Variants in ATXN7 observed in about 807,000 individuals in gnomAD.
ATXN7 encodes the protein ataxin-7.
A neutral mutation model predicts 70.5 loss-of-function variants in ATXN7; 12 were observed. The observed-to-expected ratio is 0.17, with a 90% CI of 0.11 to 0.28. ATXN7 has a LOEUF of 0.28. Ranked by LOEUF, ATXN7 falls within the 10% of genes least tolerant of loss-of-function variation. The pLI, the probability that ATXN7 is intolerant of heterozygous loss-of-function variation, is 1.00. For synonymous variants in ATXN7, 498 were observed against 448.7 expected, an observed-to-expected ratio of 1.11 and a Z score of -1.39; for missense variants, 1,256 against 1,131.7, an observed-to-expected ratio of 1.11 and a Z score of -1.58.
chr3:64,001,878 C>G lies in ATXN7; in HGVS notation c.*2411C>G, dbSNP rs961389257. On this transcript the variant is annotated 3_prime_UTR_variant, in exon 13 of 13. Coordinates refer to ENST00000674280, the MANE Select transcript of ATXN7 (RefSeq NM_001377405.1). ...TATTTTTTTGAATTAAATTAACTTGCAAAAACCAAATTTGCAGTGGTTGGG... is the reference window on the plus strand; with the variant it reads ...TATTTTTTTGAATTAAATTAACTTGGAAAAACCAAATTTGCAGTGGTTGGG... 2 of 151,800 alleles carry G rather than the reference C, an allele frequency of 1.3e-5. No homozygotes were observed. The highest frequency in any genetic ancestry group is 2.9e-5 in the Non-Finnish European group (2 of 67,952). The allele number at this position is 151,800 out of a possible 1,614,324, so 9.4% of individuals were successfully genotyped here. A position where few individuals can be genotyped will look rare whatever the true frequency, so the allele number is the denominator to read the frequency against.
chr3:63,936,426 C>T (rs977707889), intron 4 of ATXN7, among the ~76,000 whole-genome samples: 1 of 152,070 alleles, frequency 6.6e-6, no homozygotes, highest in African/African-American at 2.4e-5. Flanking sequence ...TGAAAATAGC[C>T]AACTGAATGC....
chr3:63,965,451 A>G (rs2075204400), intron 5 of ATXN7, among the ~76,000 whole-genome samples: 1 of 152,206 alleles, frequency 6.6e-6, no homozygotes. Context: ...GCTAATGCAC[A>G]GTTCAGAACT....
chr3:63,982,895 G>A (rs1386369131), intron 7 of ATXN7, 44 bp from the exon 8 acceptor site: 6 of 1,437,116 alleles, frequency 4.2e-6, no homozygotes, highest in South Asian at 1.2e-5. Context: ...ATACATGGAG[G>A]AGAGTTTGTC....
At chr3:63,891,055 G>A (rs1237616936) in intron 1 of ATXN7, among the ~76,000 whole-genome samples, 4 of 152,060 alleles carry the variant, frequency 2.6e-5, no homozygotes, top group Non-Finnish European at 4.4e-5. Flanking sequence ...TGTCACCCAG[G>A]CTGGAGTGCA....
Position 63,999,670 on chromosome 3 carries a change from C to G in ATXN7, c.*203C>G. The G allele has an allele frequency of 1.1e-6, 1 of 902,794 alleles. No individual in the cohort carries two copies. The highest frequency in any genetic ancestry group is 1.8e-6 in the Non-Finnish European group (1 of 569,114). The allele number at this position is 902,794 out of a possible 1,614,324, so 55.9% of individuals were successfully genotyped here. ...TCTAGCAGTGAGTACTCATAAAGGACACTGGATCAAGTTCAGCCACCGAAT... is the reference window on the plus strand; with the variant it reads ...TCTAGCAGTGAGTACTCATAAAGGAGACTGGATCAAGTTCAGCCACCGAAT... On this transcript the variant is annotated 3_prime_UTR_variant, in exon 13 of 13. Transcript: ENST00000674280.
At chr3:63,990,533 C>T in intron 10 of ATXN7, 159 bp downstream of exon 10, 1 of 1,145,922 alleles carries the variant, frequency 8.7e-7, no homozygotes, top group East Asian at 2.5e-5. Context: ...AGCACACACT[C>T]TGTACGGGGG....
Position 63,982,413 on chromosome 3 carries a change from A to T in ATXN7, c.980A>T (p.Asn327Ile). 1.2e-6 allele frequency: 2 copies of T among 1,611,064 alleles called. No homozygotes were observed. Among genetic ancestry groups the T allele is most frequent in the Non-Finnish European group, 1.7e-6 (2 of 1,177,668 alleles). Residue 327 changes from asparagine (N) to isoleucine (I), a missense_variant, in exon 7 of 13, where the codon AAT becomes ATT. Physicochemically the swap from Asn to Ile is moderately radical, Grantham distance 149. Transcript: ENST00000674280. ...GAAAAGAAACCTGAAGACAATTCCAATAATAGGAAATTTTTAAATAAGAGA... is the reference window on the plus strand; with the variant it reads ...GAAAAGAAACCTGAAGACAATTCCATTAATAGGAAATTTTTAAATAAGAGA... ...TLEKKPEDNS[N>I]NRKFLNKRLS...
chr3:63,974,312 A>G (rs538478422), intron 5 of ATXN7, among the ~76,000 whole-genome samples: 12 of 152,344 alleles, frequency 7.9e-5, no homozygotes, highest in Middle Eastern at 6.8e-3. Context: ...ATCGATGACA[A>G]ATGTTCAGCC....
At chr3:63,979,253 C>T (rs1026627602) in intron 5 of ATXN7, among the ~76,000 whole-genome samples, 1 of 152,166 alleles carries the variant, frequency 6.6e-6, no homozygotes, top group Non-Finnish European at 1.5e-5. Flanking sequence ...TTTTGTCTTG[C>T]GCCTTTGGCA....
intron 7 of ATXN7, among the ~76,000 whole-genome samples, 191 bp downstream of exon 7, chr3:63,982,636 G>GTGTA (rs985272217): frequency 1.3e-5 from 2 of 151,258 alleles, no homozygotes; most frequent in South Asian, 4.2e-4. Context: ...GTGTGTGTGT[G>GTGTA]TGTGTGTGTG....
At position 63,909,272 on chromosome 3, in the gene ATXN7, G is replaced by A. The variant is rs139044598; in HGVS notation, c.-11-3316G>A. Among the ~76,000 whole-genome samples the A allele has an allele frequency of 5.7e-3, 863 of 152,304 alleles. 3 individuals are homozygous for A. The highest frequency in any genetic ancestry group is 7.3e-3 in the Non-Finnish European group (496 of 68,026). ...TATTAAAATAACATATTAAGTGAAT[G>A]TAAATTGTATTGGCCTGGTGTGGTG... is the stretch of plus-strand genomic sequence containing the variant. On this transcript the variant is annotated intron_variant, in intron 2 of 12. Coordinates refer to ENST00000674280, the MANE Select transcript of ATXN7 (RefSeq NM_001377405.1).
In ATXN7 at chr3:63,999,661, C is replaced by T; in HGVS notation, c.*194C>T. On this transcript the variant is annotated 3_prime_UTR_variant, in exon 13 of 13. Coordinates refer to ENST00000674280, the MANE Select transcript of ATXN7 (RefSeq NM_001377405.1). ...AGCTATGTCTCTAGCAGTGAGTACTCATAAAGGACACTGGATCAAGTTCAG... is the reference window on the plus strand; with the variant it reads ...AGCTATGTCTCTAGCAGTGAGTACTTATAAAGGACACTGGATCAAGTTCAG... 1 of 967,758 alleles carries T rather than the reference C, an allele frequency of 1.0e-6. No homozygotes were observed. The highest frequency in any genetic ancestry group is 2.6e-5 in the East Asian group (1 of 38,060). 59.9% of individuals were successfully genotyped at this position (967,758 alleles called of 1,614,324 possible). A position where few individuals can be genotyped will look rare whatever the true frequency, so the allele number is the denominator to read the frequency against.
intron 4 of ATXN7, among the ~76,000 whole-genome samples, chr3:63,921,398 G>T (rs777678858): frequency 6.6e-6 from 1 of 152,146 alleles, no homozygotes; most frequent in Non-Finnish European, 1.5e-5. Flanking sequence ...ATAATTTGGG[G>T]ACTCCAGACA....
In ATXN7 at chr3:64,001,444, A is replaced by C. The variant is rs2075832088; in HGVS notation, c.*1977A>C. On this transcript the variant is annotated 3_prime_UTR_variant, in exon 13 of 13. Transcript: ENST00000674280. ...GTACCTAGTTGATTCCTTGGTGACA[A>C]GTGCAATGGGGTATGGGTAGAATTT... The C allele has an allele frequency of 6.6e-6, 1 of 152,158 alleles. No homozygotes were observed. Among genetic ancestry groups the C allele is most frequent in the Non-Finnish European group, 1.5e-5 (1 of 68,034 alleles). The allele number at this position is 152,158 out of a possible 1,614,324, so 9.4% of individuals were successfully genotyped here. A position where few individuals can be genotyped will look rare whatever the true frequency, so the allele number is the denominator to read the frequency against.
chr3:63,907,148 T>G (rs1703863828), intron 2 of ATXN7, among the ~76,000 whole-genome samples: 1 of 152,238 alleles, frequency 6.6e-6, no homozygotes, highest in African/African-American at 2.4e-5. Flanking sequence ...TAGTTACTCT[T>G]GTTTTACTCA....
chr3:63,913,996 C>T (rs1704161521), intron 4 of ATXN7, among the ~76,000 whole-genome samples: 1 of 152,066 alleles, frequency 6.6e-6, no homozygotes, highest in African/African-American at 2.4e-5. Flanking sequence ...CTGGGCATAC[C>T]GTGGTCAGAA....
At chr3:63,896,065 T>C (rs1247725127) in intron 1 of ATXN7, among the ~76,000 whole-genome samples, 1 of 152,062 alleles carries the variant, frequency 6.6e-6, no homozygotes, top group Non-Finnish European at 1.5e-5. Context: ...AAGATGGGAG[T>C]AAGTAGTTTG....
intron 1 of ATXN7, among the ~76,000 whole-genome samples, chr3:63,882,456 CT>C (rs1197431840): frequency 1.3e-5 from 2 of 149,166 alleles, no homozygotes; most frequent in Admixed American, 1.4e-4. Flanking sequence ...ACAATCTTGG[CT>C]CACTGCAACC....
upstream of ATXN7, chr3:63,863,717 G>A: frequency 2.4e-6 from 3 of 1,249,054 alleles, no homozygotes; most frequent in Non-Finnish European, 2.0e-6. Context: ...AGGGGTCTCA[G>A]GGGAGGCCCA....
Sources: gnomAD v4.1 joint callset for allele counts (sites outside exome capture counted in the v4.1 genomes callset) on GRCh38, gnomAD v4.1.1 for gene constraint, MANE v1.5 for transcripts, NCBI Gene and HGNC (gene_info 2026-07-23, HGNC 2026-07-21) for gene names.